The following ST18 variants were observed in gnomAD, a reference collection of about 807,000 sequenced individuals.
ST18 encodes suppression of tumorigenicity 18 protein.
In ST18, 50 loss-of-function variants were observed where a neutral mutation model predicts 110.0. The observed-to-expected ratio is 0.45, with a 90% confidence interval of 0.36 to 0.58. The LOEUF (loss-of-function observed/expected upper bound fraction) is 0.58. ST18 is among the 20% of genes least tolerant of loss of function. ST18 has a pLI of 0.00. For synonymous variants in ST18, 461 were observed against 452.4 expected, an observed-to-expected ratio of 1.02 and a Z score of -0.24; for missense variants, 1,306 against 1,280.1, an observed-to-expected ratio of 1.02 and a Z score of -0.31.
intron 2 of ST18, among the ~76,000 whole-genome samples, chr8:52,400,034 G>T (rs538593801): frequency 6.6e-6 from 1 of 152,008 alleles, no homozygotes; most frequent in East Asian, 1.9e-4. Context: ...TTATTGTATT[G>T]CTATCTAGTT....
intron 2 of ST18, among the ~76,000 whole-genome samples, chr8:52,327,989 T>C (rs1047838934): frequency 6.6e-6 from 1 of 152,212 alleles, no homozygotes; most frequent in African/African-American, 2.4e-5. Context: ...TGTGCTGATA[T>C]CCCATCTGGA....
At chr8:52,186,608 T>C (rs1055973911) in intron 8 of ST18, among the ~76,000 whole-genome samples, 1 of 152,174 alleles carries the variant, frequency 6.6e-6, no homozygotes, top group Non-Finnish European at 1.5e-5. Flanking sequence ...AAAGGTATGT[T>C]CAATAATATT....
At chr8:52,249,275 T>C (rs1011834541) in intron 2 of ST18, 1 of 152,280 alleles carries the variant, frequency 6.6e-6, no homozygotes, top group African/African-American at 2.4e-5. Flanking sequence ...GACCTACTTG[T>C]GGAGAAACGG....
intron 2 of ST18, among the ~76,000 whole-genome samples, chr8:52,381,782 C>T (rs532844829): frequency 6.6e-5 from 10 of 152,168 alleles, no homozygotes; most frequent in Admixed American, 2.0e-4. Flanking sequence ...CCATCTGAGG[C>T]CAACCTGTGA....
intron 2 of ST18, among the ~76,000 whole-genome samples, chr8:52,382,099 T>G (rs1305607666): frequency 1.3e-5 from 2 of 152,170 alleles, no homozygotes; most frequent in Non-Finnish European, 2.9e-5. Context: ...ATTTGGGGTT[T>G]GTTTGTTATT....
At chr8:52,329,495 T>C (rs796443159) in intron 2 of ST18, among the ~76,000 whole-genome samples, 4 of 152,178 alleles carry the variant, frequency 2.6e-5, no homozygotes, top group African/African-American at 9.6e-5. Flanking sequence ...TGGCTCATGC[T>C]TGTAATCCTA....
At chr8:52,311,036 G>A (rs1000070649) in intron 2 of ST18, among the ~76,000 whole-genome samples, 4 of 152,196 alleles carry the variant, frequency 2.6e-5, no homozygotes, top group Non-Finnish European at 1.5e-5. Context: ...GATTGCACAT[G>A]GAAACGAACT....
At chr8:52,383,648 C>G (rs1835449659) in intron 2 of ST18, among the ~76,000 whole-genome samples, 1 of 151,874 alleles carries the variant, frequency 6.6e-6, no homozygotes, top group African/African-American at 2.4e-5. Flanking sequence ...GGGGTTTCAC[C>G]GTGTTGGTCA....
At chr8:52,176,191 T>C (rs568422309) in intron 9 of ST18, among the ~76,000 whole-genome samples, 1 of 152,042 alleles carries the variant, frequency 6.6e-6, no homozygotes, top group South Asian at 2.1e-4. Context: ...CCGGCTAATA[T>C]TTTTTGTATT....
intron 15 of ST18, among the ~76,000 whole-genome samples, chr8:52,156,675 A>G (rs1289495288): frequency 1.3e-5 from 2 of 152,226 alleles, no homozygotes; most frequent in South Asian, 2.1e-4. Flanking sequence ...CTTCAACATT[A>G]AGAAAATAAG....
intron 9 of ST18, among the ~76,000 whole-genome samples, chr8:52,177,626 T>C (rs572941026): frequency 6.6e-6 from 1 of 152,238 alleles, no homozygotes; most frequent in Non-Finnish European, 1.5e-5. Context: ...CTGGAAACTG[T>C]GACTTCATGA....
At chr8:52,268,469 A>T (rs966944299) in intron 2 of ST18, among the ~76,000 whole-genome samples, 1 of 11,584 alleles carries the variant, frequency 8.6e-5, no homozygotes, top group Non-Finnish European at 2.3e-4. Flanking sequence ...TCTATCTATC[A>T]TCTATCTATC....
intron 23 of ST18, among the ~76,000 whole-genome samples, chr8:52,121,487 C>A (rs1001207108): frequency 3.3e-5 from 5 of 152,136 alleles, no homozygotes; most frequent in African/African-American, 1.2e-4. Flanking sequence ...ATCTGCCAAA[C>A]TTCTTTCCAT....
chr8:52,373,544 C>T (rs140694088), intron 2 of ST18, among the ~76,000 whole-genome samples: 169 of 152,034 alleles, frequency 1.1e-3, no homozygotes, highest in Non-Finnish European at 2.2e-3. Flanking sequence ...TCGAAGCCAG[C>T]AGACTCCACA....
At chr8:52,336,613 C>A (rs1812196969) in intron 2 of ST18, among the ~76,000 whole-genome samples, 1 of 152,166 alleles carries the variant, frequency 6.6e-6, no homozygotes, top group Admixed American at 6.5e-5. Flanking sequence ...AGGAGGAACT[C>A]GGGAAGAGCC....
chr8:52,246,069 A>G (rs1357735114), intron 2 of ST18, among the ~76,000 whole-genome samples: 1 of 152,160 alleles, frequency 6.6e-6, no homozygotes, highest in African/African-American at 2.4e-5. Context: ...AATTTGATGT[A>G]ACATTTGACA....
rs950137068 is a variant in ST18 at position 52,168,155 on chromosome 8, G to A, written c.1070-1169C>T. On this transcript the variant is annotated intron_variant, in intron 10 of 25. Coordinates refer to ENST00000689386, the MANE Select transcript of ST18 (RefSeq NM_001352837.2). ...GCACTTGGGGCACGGAGAAGAAAGA[G>A]CATGAGAAGATGCACAGGAGCCCTC... 6.6e-5 allele frequency among the ~76,000 whole-genome samples: 10 copies of A among 150,892 alleles called. No individual in the cohort carries two copies. In the East Asian group the frequency reaches 2.0e-3, roughly 30 times the overall value.
At chr8:52,209,788 A>AAAAT (rs1554719674) in intron 8 of ST18, among the ~76,000 whole-genome samples, 11 of 105,686 alleles carry the variant, frequency 1.0e-4, no homozygotes, top group African/African-American at 4.1e-4. Flanking sequence ...AAAAAAAAAA[A>AAAAT]ATATATATAT....
At chr8:52,208,974 GAATT>G (rs553392143) in intron 8 of ST18, among the ~76,000 whole-genome samples, 233 of 152,196 alleles carry the variant, frequency 1.5e-3, no homozygotes, top group African/African-American at 5.2e-3. Flanking sequence ...AAAAATAGGT[GAATT>G]AATGATGTTT....
Sources: allele counts gnomAD v4.1 joint callset (sites outside exome capture counted in the v4.1 genomes callset), GRCh38; gene constraint gnomAD v4.1.1; transcripts MANE v1.5; gene names NCBI Gene and HGNC (gene_info 2026-07-23, HGNC 2026-07-21).